SLC27A6: variants seen among roughly 807,000 people sequenced by gnomAD.
SLC27A6 encodes solute carrier family 27 member 6, also known as long-chain fatty acid transport protein 6.
In SLC27A6, 74 loss-of-function variants were observed where a neutral mutation model predicts 63.9. That is an observed-to-expected ratio of 1.16 (90% CI 0.96 to 1.40). The LOEUF (loss-of-function observed/expected upper bound fraction) is 1.40, where lower values mean the gene tolerates loss of function less well. SLC27A6 is among the 40% of genes most tolerant of loss of function. The probability of loss-of-function intolerance (pLI) is 0.00; values close to 1 mark genes in which losing one functional copy is unlikely to be tolerated. For missense variants in SLC27A6, 794 were observed against 732.9 expected (o/e 1.08, Z -0.96); for synonymous variants, 287 against 260.8 (o/e 1.10, Z -0.97).
At chr5:128,994,481 G>C (rs1181981) in intron 4 of SLC27A6, among the ~76,000 whole-genome samples, 132,314 of 152,176 alleles carry the variant, frequency 0.87, 58,615 homozygotes, top group Non-Finnish European at 0.95. Flanking sequence ...CATTTTTGCT[G>C]TCCAATATTC....
chr5:128,990,480 A>T lies in SLC27A6; in HGVS notation c.969+16A>T, dbSNP rs957409789. 1 of 1,592,890 alleles carries T rather than the reference A, an allele frequency of 6.3e-7. No individual in the cohort carries two copies. Among genetic ancestry groups the T allele is most frequent in the Non-Finnish European group, 8.5e-7 (1 of 1,174,126 alleles). ...ACAATCTAAGGTAGGCGTAATCATT[A>T]TCAGAAAAAAATATGTCAGAAAGAA... On this transcript the variant is annotated intron_variant, in intron 4 of 9. Coordinates refer to ENST00000262462, the MANE Select transcript of SLC27A6 (RefSeq NM_001017372.3).
At position 128,985,173 on chromosome 5, in the gene SLC27A6, A is replaced by T; in HGVS notation, c.522A>T (p.Ser174=). 1.2e-6 allele frequency: 2 copies of T among 1,614,058 alleles called. No individual in the cohort carries two copies. Among genetic ancestry groups the T allele is most frequent in the Non-Finnish European group, 1.7e-6 (2 of 1,179,990 alleles). ...TAGAAGAAATCCTTCCAAGCCTCTC[A>T]GAAAATATCAGTGTTTGGGGGATGA... ...GTVEEILPSL[S]ENISVWGMKD... is the part of the protein sequence containing the mutation. The change falls in exon 2 of 10, where the codon TCA becomes TCT. Residue 174 remains serine, a synonymous_variant. Coordinates refer to ENST00000262462, the MANE Select transcript of SLC27A6 (RefSeq NM_001017372.3).
chr5:129,003,633 T>A (rs1751420057), intron 4 of SLC27A6, among the ~76,000 whole-genome samples: 1 of 152,002 alleles, frequency 6.6e-6, no homozygotes, highest in Admixed American at 6.6e-5. Flanking sequence ...GCTCAGGAGT[T>A]CAAGACCAGC....
At chr5:129,016,828 A>G (rs986232284) in intron 5 of SLC27A6, among the ~76,000 whole-genome samples, 2 of 152,200 alleles carry the variant, frequency 1.3e-5, no homozygotes, top group Non-Finnish European at 2.9e-5. Context: ...AGATAGCACT[A>G]AAATCTTAAA....
chr5:129,024,351 T>C (rs1313353489), intron 6 of SLC27A6, among the ~76,000 whole-genome samples: 3 of 152,184 alleles, frequency 2.0e-5, no homozygotes, highest in Admixed American at 6.5e-5. Context: ...ACTCTAGATA[T>C]AATGTAAAGT....
rs1435871335 is a variant in SLC27A6, at chr5:128,966,163, T to C, written c.26T>C (p.Leu9Pro). 1 of 1,568,052 alleles carries C rather than the reference T, an allele frequency of 6.4e-7. No homozygotes were observed. The highest frequency in any genetic ancestry group is 1.4e-5 in the African/African-American group (1 of 73,512). Residue 9 changes from leucine (L) to proline (P), a missense_variant, in exon 1 of 10, where the codon CTA becomes CCA. Transcript: ENST00000262462. ...ATGCTTCTGTCATGGCTAACAGTTC[T>C]AGGGGCTGGAATGGTCGTCCTGCAC... is the stretch of plus-strand genomic sequence containing the variant. MLLSWLTV[L>P]GAGMVVLHFL...
At chr5:129,029,045 T>C (rs6863684) in intron 8 of SLC27A6, among the ~76,000 whole-genome samples, 194 of 151,976 alleles carry the variant, frequency 1.3e-3, no homozygotes, top group African/African-American at 4.5e-3. Context: ...AAGGGAATGA[T>C]TACTTAATAA....
intron 1 of SLC27A6, among the ~76,000 whole-genome samples, chr5:128,968,385 C>A (rs921482819): frequency 1.1e-4 from 16 of 152,212 alleles, no homozygotes; most frequent in South Asian, 4.1e-4. Flanking sequence ...CCAACAGTGT[C>A]AAAGTGTTCC....
At chr5:129,019,954 G>A (rs1489923969) in intron 5 of SLC27A6, among the ~76,000 whole-genome samples, 2 of 152,074 alleles carry the variant, frequency 1.3e-5, no homozygotes, top group East Asian at 1.9e-4. Flanking sequence ...GTAAAAACTT[G>A]AATCTTTAGC....
intron 4 of SLC27A6, among the ~76,000 whole-genome samples, chr5:129,000,623 C>T (rs1751302585): frequency 6.6e-6 from 1 of 152,158 alleles, no homozygotes; most frequent in South Asian, 2.1e-4. Flanking sequence ...ATTCAGGTCA[C>T]TGCAGAAATG....
At chr5:128,973,152 G>T (rs1048666792) in intron 1 of SLC27A6, among the ~76,000 whole-genome samples, 20 of 152,174 alleles carry the variant, frequency 1.3e-4, no homozygotes, top group African/African-American at 4.3e-4. Flanking sequence ...CTTGGTCTCA[G>T]AGGGGCACCT....
intron 4 of SLC27A6, among the ~76,000 whole-genome samples, chr5:129,014,929 A>C (rs1370456274): frequency 1.3e-5 from 2 of 152,212 alleles, no homozygotes; most frequent in African/African-American, 4.8e-5. Context: ...TATTCTTGAG[A>C]ATTCGTAGAT....
At chr5:128,967,965 A>G (rs890288049) in intron 1 of SLC27A6, among the ~76,000 whole-genome samples, 3 of 151,818 alleles carry the variant, frequency 2.0e-5, no homozygotes, top group South Asian at 2.1e-4. Context: ...CCTGTGTCCA[A>G]GTATTCTCAT....
At position 129,028,426 on chromosome 5, in the gene SLC27A6, TG is replaced by T; in HGVS notation, c.1538del (p.Gly513ValfsTer18). ...ATTTCATACAGGAAGCAAACGTCTA[TG>T]GTGTGGCTATATCAGGTATAAATAT... ...LDFIQEANVY[G>X]VAISGYEGRA... On this transcript the variant is annotated frameshift_variant, in exon 8 of 10. Transcript: ENST00000262462. LOFTEE classifies it high-confidence loss of function. 1 of 1,598,920 alleles carries T rather than the reference TG, an allele frequency of 6.3e-7. No homozygotes were observed. Among genetic ancestry groups the T allele is most frequent in the Non-Finnish European group, 8.6e-7 (1 of 1,167,282 alleles).
chr5:128,981,055 T>G (rs1247957801), intron 1 of SLC27A6, among the ~76,000 whole-genome samples: 1 of 152,222 alleles, frequency 6.6e-6, no homozygotes, highest in Non-Finnish European at 1.5e-5. Context: ...TTAACATTTT[T>G]GTACTTGCAA....
rs566419429 is a variant in SLC27A6, at chr5:128,989,337, A to T, written c.844+579A>T. 1.2e-4 allele frequency among the ~76,000 whole-genome samples: 18 copies of T among 152,266 alleles called. No homozygotes were observed. In the East Asian group the frequency reaches 3.3e-3, roughly 28 times the overall value. The stretch of plus-strand genomic sequence containing the variant: ...AATAAATTAGTTGGTAGAGCTTGTG[A>T]CTCAGTAGATTCCATTCATAAACAT... On this transcript the variant is annotated intron_variant, in intron 3 of 9. Coordinates refer to ENST00000262462, the MANE Select transcript of SLC27A6 (RefSeq NM_001017372.3).
intron 5 of SLC27A6, among the ~76,000 whole-genome samples, chr5:129,016,648 A>G (rs1751909853): frequency 1.3e-5 from 2 of 151,984 alleles, no homozygotes; most frequent in Non-Finnish European, 2.9e-5. Context: ...TTAATGATAT[A>G]ATTTATAAAT....
rs974200364 is a variant in SLC27A6 at position 128,968,564 on chromosome 5, G to T, written c.481+1946G>T. On this transcript the variant is annotated intron_variant, in intron 1 of 9. Transcript: ENST00000262462. ...TGTTGGCTACATAAATGTCTTCTTT[G>T]GAGAAGTGTCTGTTCATATCCTTTG... Among the ~76,000 whole-genome samples, 123 of 152,186 alleles carry T rather than the reference G, an allele frequency of 8.1e-4. 1 individual carries two copies. Among genetic ancestry groups the T allele is most frequent in the African/African-American group, 2.7e-3 (112 of 41,512 alleles).
intron 4 of SLC27A6, among the ~76,000 whole-genome samples, chr5:128,997,912 A>G (rs1418616821): frequency 1.3e-5 from 2 of 152,166 alleles, no homozygotes; most frequent in African/African-American, 4.8e-5. Flanking sequence ...TTGGCCCTTG[A>G]TTCTCATAAT....
Sources: allele counts gnomAD v4.1 joint callset (sites outside exome capture counted in the v4.1 genomes callset), GRCh38; gene constraint gnomAD v4.1.1; transcripts MANE v1.5; gene names NCBI Gene and HGNC (gene_info 2026-07-23, HGNC 2026-07-21).